CNGA3: variants seen among roughly 807,000 people sequenced by gnomAD.
CNGA3 encodes the protein cyclic nucleotide-gated channel alpha-3.
Under a neutral mutation model 46.6 loss-of-function variants are expected in CNGA3, and 42 were observed. The ratio of observed to expected loss-of-function variants is 0.90; its 90% CI spans 0.70 to 1.17. The LOEUF is 1.17. Ranked by LOEUF, CNGA3 falls within the 50% of genes most tolerant of loss-of-function variation. The probability of loss-of-function intolerance (pLI) is 0.00; values close to 1 mark genes in which losing one functional copy is unlikely to be tolerated. For synonymous variants in CNGA3, 394 were observed against 369.4 expected (o/e 1.07, Z -0.76); for missense variants, 893 against 890.7 (o/e 1.00, Z -0.03).
chr2:98,358,338 G>A lies in CNGA3; in HGVS notation c.-37-11601G>A, dbSNP rs376925387. The stretch of plus-strand genomic sequence containing the variant: ...TATTTCAGCTAATTGAGGAAGGAAT[G>A]GTAGAATACCACCAACTTGCAACCT... On this transcript the variant is annotated intron_variant, in intron 1 of 7. Transcript: ENST00000272602. 1.2e-4 allele frequency among the ~76,000 whole-genome samples: 19 copies of A among 152,182 alleles called. No homozygotes were observed. The East Asian group carries it at 1.7e-3, about 14-fold the overall frequency.
chr2:98,388,270 G>C (rs891249519), intron 5 of CNGA3, among the ~76,000 whole-genome samples: 5 of 152,288 alleles, frequency 3.3e-5, no homozygotes, highest in African/African-American at 1.2e-4. Flanking sequence ...TCATCCAGCA[G>C]CAAGGCAGAA....
At chr2:98,373,324 T>C (rs144958377) in intron 2 of CNGA3, among the ~76,000 whole-genome samples, 60 of 152,364 alleles carry the variant, frequency 3.9e-4, no homozygotes, top group African/African-American at 1.3e-3. Context: ...CACCTCTTTG[T>C]CTTGAAATTC....
chr2:98,390,559 G>A (rs1574386131), intron 6 of CNGA3, among the ~76,000 whole-genome samples: 1 of 152,296 alleles, frequency 6.6e-6, no homozygotes, highest in Non-Finnish European at 1.5e-5. Context: ...AGGGGCCTGG[G>A]CTTTTCTGAG....
intron 1 of CNGA3, among the ~76,000 whole-genome samples, chr2:98,349,141 T>G (rs762957620): frequency 5.3e-5 from 8 of 152,108 alleles, no homozygotes; most frequent in Non-Finnish European, 1.2e-4. Context: ...GAGTCCTGCA[T>G]CATGGGGGGA....
chr2:98,380,626 G>T lies in CNGA3; in HGVS notation c.395+272G>T, dbSNP rs143981756. Among the ~76,000 whole-genome samples, 8 of 152,232 alleles carry T rather than the reference G, an allele frequency of 5.3e-5. No homozygotes were observed. The East Asian group carries it at 1.4e-3, about 26-fold the overall frequency. On this transcript the variant is annotated intron_variant, in intron 4 of 7. Transcript: ENST00000272602. ...TCACCTTATCCTACACAGGGGTCCT[G>T]TTAGGGTCCCCTGGAAATCATGTTC...
In CNGA3 at chr2:98,397,223, G is replaced by A. The variant is rs1357724875; in HGVS notation, c.2053G>A (p.Asp685Asn). The A allele has an allele frequency of 6.2e-7, 1 of 1,613,866 alleles. No homozygotes were observed. Among genetic ancestry groups the A allele is most frequent in the African/African-American group, 1.3e-5 (1 of 74,922 alleles). The change falls in exon 8 of 8, where the codon GAT (aspartate) becomes AAT (asparagine). Residue 685 changes from aspartate (D) to asparagine (N), a missense_variant. Transcript: ENST00000272602. ...KPLADGEVPG[D>N]ATKTEDKQQ Reference sequence around the variant, plus strand: ...CCTGGCTGATGGGGAAGTTCCCGGGGATGCTACAAAAACAGAGGACAAACA... The same window carrying A: ...CCTGGCTGATGGGGAAGTTCCCGGGAATGCTACAAAAACAGAGGACAAACA...
rs1558821130 is a variant in CNGA3 at position 98,397,066 on chromosome 2, G to A, written c.1896G>A (p.Gln632=). Residue 632 remains glutamine, a synonymous_variant, in exon 8 of 8, where the codon CAG becomes CAA. Transcript: ENST00000272602. ...AGGACCTTGAGGAGAAAGTGGAGCA[G>A]CTGGGGTCCTCCCTGGACACCCTGC... ...DPKDLEEKVE[Q]LGSSLDTLQT... The A allele has an allele frequency of 1.9e-6, 3 of 1,614,158 alleles. No homozygotes were observed. The highest frequency in any genetic ancestry group is 2.5e-6 in the Non-Finnish European group (3 of 1,180,020).
intron 5 of CNGA3, among the ~76,000 whole-genome samples, chr2:98,385,323 G>A (rs1397661372): frequency 6.6e-6 from 1 of 152,214 alleles, no homozygotes; most frequent in East Asian, 1.9e-4. Context: ...TCACCCTGGA[G>A]GACAGAGGAG....
chr2:98,371,560 C>T (rs924650678), intron 2 of CNGA3, among the ~76,000 whole-genome samples: 25 of 152,188 alleles, frequency 1.6e-4, no homozygotes, highest in African/African-American at 5.8e-4. Context: ...TATTTATTTC[C>T]TCCAACCATT....
Position 98,396,271 on chromosome 2 carries a change from T to A in CNGA3, c.1101T>A (p.Gly367=). ...YWSTLTLTTI[G]ETPPPVKDEE... ...CCACCTTGACCCTTACCACCATTGGTGAGACCCCACCCCCCGTGAAAGATG... is the reference window on the plus strand; with the variant it reads ...CCACCTTGACCCTTACCACCATTGGAGAGACCCCACCCCCCGTGAAAGATG... Residue 367 remains glycine, a synonymous_variant, in exon 8 of 8, where the codon GGT becomes GGA. Coordinates refer to ENST00000272602, the MANE Select transcript of CNGA3 (RefSeq NM_001298.3). 1 of 1,612,024 alleles carries A rather than the reference T, an allele frequency of 6.2e-7. No individual in the cohort carries two copies. Among genetic ancestry groups the A allele is most frequent in the South Asian group, 1.1e-5 (1 of 91,020 alleles).
chr2:98,348,157 T>A (rs1339281886), intron 1 of CNGA3, among the ~76,000 whole-genome samples: 1 of 152,194 alleles, frequency 6.6e-6, no homozygotes, highest in South Asian at 2.1e-4. Flanking sequence ...TTCGCACCAA[T>A]GCCCAAACAC....
chr2:98,367,180 TTTTTC>T (rs1354702215), intron 1 of CNGA3, among the ~76,000 whole-genome samples: 5 of 127,600 alleles, frequency 3.9e-5, no homozygotes, highest in African/African-American at 8.5e-5. Flanking sequence ...TTTTTTCTTT[TTTTTC>T]TTTTTTTTTT....
At chr2:98,383,200 C>T (rs1260724991) in intron 4 of CNGA3, among the ~76,000 whole-genome samples, 188 bp from the exon 5 acceptor site, 1 of 152,172 alleles carries the variant, frequency 6.6e-6, no homozygotes, top group African/African-American at 2.4e-5. Flanking sequence ...AGGCTTTTAC[C>T]CGAGGTAACT....
chr2:98,355,525 T>C (rs1691860847), intron 1 of CNGA3, among the ~76,000 whole-genome samples: 1 of 152,190 alleles, frequency 6.6e-6, no homozygotes, highest in South Asian at 2.1e-4. Flanking sequence ...CCACAGTTTC[T>C]TAAGATGTTC....
chr2:98,380,201 G>T lies in CNGA3; in HGVS notation c.242G>T (p.Arg81Leu), dbSNP rs149230055. 28 of 1,614,070 alleles carry T rather than the reference G, an allele frequency of 1.7e-5. No individual in the cohort carries two copies. The South Asian group carries it at 2.7e-4, about 16-fold the overall frequency. ...ARLSRLIFLL[R>L]RWAARHVHHQ... Reference sequence around the variant, plus strand: ...CTGTCGCGCCTCATCTTCTTGCTGCGCAGGTGGGCTGCCAGGCATGTGCAC... The same window carrying T: ...CTGTCGCGCCTCATCTTCTTGCTGCTCAGGTGGGCTGCCAGGCATGTGCAC... The change falls in exon 4 of 8, where the codon CGC becomes CTC. Residue 81 changes from arginine (R) to leucine (L), a missense_variant. This residue lies in a region of CNGA3 where 333 missense variants were observed against 290.8 expected (regional missense o/e 1.15). Coordinates refer to ENST00000272602, the MANE Select transcript of CNGA3 (RefSeq NM_001298.3).
intron 7 of CNGA3, among the ~76,000 whole-genome samples, chr2:98,392,552 T>C (rs921421447): frequency 1.3e-5 from 2 of 149,386 alleles, no homozygotes; most frequent in African/African-American, 2.5e-5. Flanking sequence ...CATAGCAACA[T>C]TCTGTCTCAA....
At chr2:98,354,806 T>C (rs1302089542) in intron 1 of CNGA3, among the ~76,000 whole-genome samples, 1 of 152,094 alleles carries the variant, frequency 6.6e-6, no homozygotes. Context: ...AAAATGAAAA[T>C]AGTTTCTCCC....
intron 2 of CNGA3, among the ~76,000 whole-genome samples, chr2:98,375,100 C>T (rs1301132124): frequency 6.6e-6 from 1 of 152,234 alleles, no homozygotes; most frequent in Non-Finnish European, 1.5e-5. Context: ...TAGATCCCGC[C>T]CATATGCAAC....
At chr2:98,384,007 T>C (rs1158619987) in intron 5 of CNGA3, among the ~76,000 whole-genome samples, 5 of 152,064 alleles carry the variant, frequency 3.3e-5, no homozygotes, top group Non-Finnish European at 5.9e-5. Context: ...CTGCTTCAGC[T>C]TCCCGAGTAG....
Sources: allele counts gnomAD v4.1 joint callset (sites outside exome capture counted in the v4.1 genomes callset), GRCh38; gene constraint gnomAD v4.1.1; regional missense constraint gnomAD v4.1.1; transcripts MANE v1.5; gene names NCBI Gene and HGNC (gene_info 2026-07-23, HGNC 2026-07-21).